The following STARD13 variants were observed in gnomAD, a reference collection of about 807,000 sequenced individuals.
STARD13 encodes the protein stAR-related lipid transfer protein 13.
Under a neutral mutation model 106.4 loss-of-function variants are expected in STARD13, and 62 were observed. The observed-to-expected ratio is 0.58, with a 90% CI of 0.48 to 0.72. The LOEUF (loss-of-function observed/expected upper bound fraction) is 0.72. Ranked by LOEUF, STARD13 falls within the 30% of genes least tolerant of loss-of-function variation. STARD13 has a pLI of 0.00. For synonymous variants in STARD13, 565 were observed against 553.0 expected (o/e 1.02, Z -0.31); for missense variants, 1,387 against 1,424.0 (o/e 0.97, Z 0.42).
chr13:33,388,295 T>C, the STARD13 span, among the ~76,000 whole-genome samples: 4 of 152,168 alleles, frequency 2.6e-5, no homozygotes, highest in African/African-American at 9.7e-5. Context: ...ACGACCAGGT[T>C]TAGAGCAAGT....
intron 4 of STARD13, among the ~76,000 whole-genome samples, chr13:33,132,152 G>T (rs997010572): frequency 7.9e-5 from 12 of 152,186 alleles, no homozygotes; most frequent in African/African-American, 1.2e-4. Flanking sequence ...TAAAGTGAAA[G>T]CGAGTACAAA....
chr13:33,660,473 G>A, the STARD13 span, among the ~76,000 whole-genome samples: 1 of 152,200 alleles, frequency 6.6e-6, no homozygotes, highest in Non-Finnish European at 1.5e-5. Flanking sequence ...CTGATCAGGT[G>A]CAGACCATTG....
chr13:33,511,959 C>A, the STARD13 span, among the ~76,000 whole-genome samples: 1 of 152,026 alleles, frequency 6.6e-6, no homozygotes, highest in Non-Finnish European at 1.5e-5. Context: ...AAAAAATTGG[C>A]CATTAATTAA....
the STARD13 span, among the ~76,000 whole-genome samples, chr13:33,543,384 A>G: frequency 6.6e-6 from 1 of 152,240 alleles, no homozygotes; most frequent in Non-Finnish European, 1.5e-5. Context: ...GAAATGCTCA[A>G]TGTAGATTCG....
At chr13:33,225,678 T>G (rs1229368094) in intron 1 of STARD13, among the ~76,000 whole-genome samples, 1 of 152,148 alleles carries the variant, frequency 6.6e-6, no homozygotes, top group Non-Finnish European at 1.5e-5. Flanking sequence ...CTCATTTCCT[T>G]GGCACAATGA....
chr13:33,261,555 C>G (rs1031927854), intron 1 of STARD13, among the ~76,000 whole-genome samples: 21 of 152,072 alleles, frequency 1.4e-4, no homozygotes, highest in Non-Finnish European at 2.2e-4. Flanking sequence ...TTTTTGTTCT[C>G]CCGGCATAAG....
intron 1 of STARD13, among the ~76,000 whole-genome samples, chr13:33,254,503 A>T (rs1159476150): frequency 6.6e-6 from 1 of 152,202 alleles, no homozygotes; most frequent in Non-Finnish European, 1.5e-5. Flanking sequence ...ATTGGATACC[A>T]GGGGGTGATT....
intron 2 of STARD13, 67 bp downstream of exon 2, chr13:33,167,484 C>A: frequency 1.3e-6 from 2 of 1,528,464 alleles, no homozygotes; most frequent in Non-Finnish European, 1.8e-6. Context: ...CAAAACACAC[C>A]ACAGGATACG....
the STARD13 span, among the ~76,000 whole-genome samples, chr13:33,543,707 C>CCT: frequency 6.6e-6 from 1 of 152,058 alleles, no homozygotes; most frequent in Non-Finnish European, 1.5e-5. Context: ...GATTGCTGGG[C>CCT]CTCAACACCA....
chr13:33,675,065 CCTTCCT>C, the STARD13 span, among the ~76,000 whole-genome samples: 11 of 152,196 alleles, frequency 7.2e-5, no homozygotes, highest in Admixed American at 7.2e-4. Context: ...GCCCAGCTTC[CCTTCCT>C]TAGGAACCTT....
the STARD13 span, among the ~76,000 whole-genome samples, chr13:33,511,928 CT>C: frequency 6.6e-6 from 1 of 152,118 alleles, no homozygotes; most frequent in Non-Finnish European, 1.5e-5. Flanking sequence ...CAGAAATGCT[CT>C]TTTCACAGCT....
the STARD13 span, among the ~76,000 whole-genome samples, chr13:33,402,430 C>T: frequency 6.6e-6 from 1 of 152,222 alleles, no homozygotes; most frequent in Non-Finnish European, 1.5e-5. Context: ...TAAGTGGATT[C>T]TCTTCAATAA....
At chr13:33,481,421 C>T in the STARD13 span, among the ~76,000 whole-genome samples, 1 of 152,008 alleles carries the variant, frequency 6.6e-6, no homozygotes, top group African/African-American at 2.4e-5. Context: ...AGTAGTTTTA[C>T]CTAAAGATAT....
chr13:33,433,316 C>G, the STARD13 span, among the ~76,000 whole-genome samples: 3 of 152,192 alleles, frequency 2.0e-5, no homozygotes, highest in Admixed American at 6.5e-5. Flanking sequence ...CAGAAGACCT[C>G]AAAAGGGAGA....
chr13:33,632,858 G>C, the STARD13 span, among the ~76,000 whole-genome samples: 1 of 149,604 alleles, frequency 6.7e-6, no homozygotes, highest in East Asian at 2.0e-4. Context: ...TAAGCAAGAC[G>C]TAATTTCTTT....
At chr13:33,440,309 T>A in the STARD13 span, among the ~76,000 whole-genome samples, 2 of 151,584 alleles carry the variant, frequency 1.3e-5, no homozygotes, top group East Asian at 3.9e-4. Flanking sequence ...ACCATGTGTC[T>A]ATTTAGTAAC....
chr13:33,371,669 G>A, the STARD13 span, among the ~76,000 whole-genome samples: 2 of 152,162 alleles, frequency 1.3e-5, no homozygotes, highest in Non-Finnish European at 2.9e-5. Context: ...TGTTCGGTTG[G>A]TCCCTTGAAC....
the STARD13 span, among the ~76,000 whole-genome samples, chr13:33,566,090 G>A: frequency 6.7e-6 from 1 of 148,314 alleles, no homozygotes; most frequent in East Asian, 2.0e-4. Flanking sequence ...TGATGCCTGT[G>A]ACATTCACCT....
At chr13:33,660,200 T>C in the STARD13 span, among the ~76,000 whole-genome samples, 1 of 151,900 alleles carries the variant, frequency 6.6e-6, no homozygotes, top group Non-Finnish European at 1.5e-5. Flanking sequence ...CTTGTGGGGG[T>C]TTTCTTAGCT....
Sources: gnomAD v4.1 joint callset for allele counts (sites outside exome capture counted in the v4.1 genomes callset) on GRCh38, gnomAD v4.1.1 for gene constraint, MANE v1.5 for transcripts, NCBI Gene and HGNC (gene_info 2026-07-23, HGNC 2026-07-21) for gene names.